Variants in UNC5C observed in about 807,000 individuals in gnomAD.
UNC5C encodes the protein netrin receptor UNC5C.
Under a neutral mutation model 99.8 loss-of-function variants are expected in UNC5C, and 47 were observed. The ratio of observed to expected loss-of-function variants is 0.47; its 90% CI spans 0.37 to 0.60. The LOEUF (loss-of-function observed/expected upper bound fraction) is 0.60, where lower values mean the gene tolerates loss of function less well. UNC5C is among the 20% of genes least tolerant of loss of function. The pLI, the probability that UNC5C is intolerant of heterozygous loss-of-function variation, is 0.00. For synonymous variants in UNC5C, 487 were observed against 452.2 expected (o/e 1.08, Z -0.98); for missense variants, 1,062 against 1,165.9 (o/e 0.91, Z 1.30).
intron 1 of UNC5C, among the ~76,000 whole-genome samples, chr4:95,376,236 A>G (rs976865156): frequency 6.1e-5 from 9 of 147,854 alleles, no homozygotes; most frequent in Admixed American, 2.7e-4. Context: ...TCTTATGTGT[A>G]TGTATATATA....
At position 95,182,919 on chromosome 4, in the gene UNC5C, T is replaced by C. The variant is rs1301943389; in HGVS notation, c.2429A>G (p.Gln810Arg). Residue 810 changes from glutamine to arginine, a missense_variant, in exon 14 of 16, where the codon CAG becomes CGG. By Grantham distance (43) the Gln-to-Arg change is conservative (BLOSUM62 1). This residue lies in a region of UNC5C where 810 missense variants were observed against 854.5 expected (regional missense o/e 0.95). Coordinates refer to ENST00000453304, the MANE Select transcript of UNC5C (RefSeq NM_003728.4). ...TACCTCTGACACGGTGCAGTTGAGC[T>C]GGAAGATCTGCCCTTCTCCTTCCAC... ...RQVEGEGQIF[Q>R]LNCTVSEEPT... 6.2e-7 allele frequency: 1 copy of C among 1,613,586 alleles called. No homozygotes were observed. Among genetic ancestry groups the C allele is most frequent in the Non-Finnish European group, 8.5e-7 (1 of 1,179,594 alleles).
At position 95,182,920 on chromosome 4, in the gene UNC5C, G is replaced by A. The variant is rs768646708; in HGVS notation, c.2428C>T (p.Gln810Ter). The A allele has an allele frequency of 1.2e-6, 2 of 1,613,456 alleles. No individual in the cohort carries two copies. Among genetic ancestry groups the A allele is most frequent in the East Asian group, 2.2e-5 (1 of 44,856 alleles). The change falls in exon 14 of 16, where the codon CAG (glutamine) becomes TAG (stop). Residue 810 changes from glutamine (Q) to a stop codon, truncating the protein, a stop_gained. Coordinates refer to ENST00000453304, the MANE Select transcript of UNC5C (RefSeq NM_003728.4). LOFTEE classifies it high-confidence loss of function. The stretch of plus-strand genomic sequence containing the variant: ...ACCTCTGACACGGTGCAGTTGAGCT[G>A]GAAGATCTGCCCTTCTCCTTCCACC... The part of the protein sequence containing the change: ...RQVEGEGQIF[Q>*]LNCTVSEEPT...
intron 1 of UNC5C, among the ~76,000 whole-genome samples, chr4:95,413,367 C>T (rs1015944081): frequency 1.3e-5 from 2 of 152,148 alleles, no homozygotes; most frequent in African/African-American, 2.4e-5. Flanking sequence ...CCTCCTCAGC[C>T]TTGCTTTCTC....
intron 1 of UNC5C, among the ~76,000 whole-genome samples, chr4:95,475,032 C>T (rs911624911): frequency 1.3e-5 from 2 of 152,132 alleles, no homozygotes; most frequent in African/African-American, 4.8e-5. Context: ...TGCACCACTT[C>T]ATCCCAGAGA....
At chr4:95,179,548 A>G (rs1452222400) in intron 14 of UNC5C, among the ~76,000 whole-genome samples, 1 of 152,138 alleles carries the variant, frequency 6.6e-6, no homozygotes, top group Non-Finnish European at 1.5e-5. Context: ...GGAGTTCGAG[A>G]CCAGCCTAGC....
chr4:95,176,563 G>A (rs987515344), intron 14 of UNC5C, among the ~76,000 whole-genome samples: 3 of 151,962 alleles, frequency 2.0e-5, no homozygotes, highest in African/African-American at 7.3e-5. Context: ...TCAGGGGTAG[G>A]GGTCAGGGAC....
chr4:95,298,177 C>T (rs565611567), intron 3 of UNC5C, among the ~76,000 whole-genome samples: 4 of 152,120 alleles, frequency 2.6e-5, no homozygotes, highest in Admixed American at 6.5e-5. Flanking sequence ...CTGGTCATGG[C>T]GGCACATGCC....
At chr4:95,357,490 A>C (rs751353049) in intron 1 of UNC5C, among the ~76,000 whole-genome samples, 5 of 151,754 alleles carry the variant, frequency 3.3e-5, no homozygotes, top group Non-Finnish European at 7.4e-5. Flanking sequence ...TTATTAAAAA[A>C]CTAAAATACT....
At chr4:95,177,216 A>T (rs10017546) in intron 14 of UNC5C, among the ~76,000 whole-genome samples, 63 of 152,120 alleles carry the variant, frequency 4.1e-4, no homozygotes, top group African/African-American at 1.4e-3. Context: ...CGTCGCTCAC[A>T]CTGGGAGCTG....
intron 1 of UNC5C, among the ~76,000 whole-genome samples, chr4:95,465,567 T>C (rs1483164192): frequency 6.6e-6 from 1 of 152,142 alleles, no homozygotes; most frequent in African/African-American, 2.4e-5. Context: ...CCCAGTGCCA[T>C]CCTTTCTGAA....
intron 1 of UNC5C, among the ~76,000 whole-genome samples, chr4:95,412,344 T>A (rs546391315): frequency 6.6e-6 from 1 of 152,318 alleles, no homozygotes; most frequent in African/African-American, 2.4e-5. Flanking sequence ...CTGAACACCT[T>A]CTGTGTGGCA....
chr4:95,475,347 G>A (rs1748110001), intron 1 of UNC5C, among the ~76,000 whole-genome samples: 1 of 151,856 alleles, frequency 6.6e-6, no homozygotes, highest in South Asian at 2.1e-4. Flanking sequence ...GGGAAATTGG[G>A]AAATTGAAGT....
intron 12 of UNC5C, among the ~76,000 whole-genome samples, chr4:95,187,634 T>A (rs1736887982): frequency 6.6e-6 from 1 of 152,346 alleles, no homozygotes; most frequent in African/African-American, 2.4e-5. Context: ...CTCAGTTTTT[T>A]GTTTCTTCAG....
At chr4:95,389,024 C>G (rs1429842756) in intron 1 of UNC5C, among the ~76,000 whole-genome samples, 2 of 152,092 alleles carry the variant, frequency 1.3e-5, no homozygotes, top group Non-Finnish European at 2.9e-5. Context: ...ACAGGAAATG[C>G]TGCAAAAAGC....
At chr4:95,246,511 G>C (rs1739507379) in intron 5 of UNC5C, among the ~76,000 whole-genome samples, 1 of 151,964 alleles carries the variant, frequency 6.6e-6, no homozygotes, top group African/African-American at 2.4e-5. Flanking sequence ...AGTGAGCTAT[G>C]ATCACATCAC....
chr4:95,464,296 T>A (rs1471766163), intron 1 of UNC5C, among the ~76,000 whole-genome samples: 1 of 152,222 alleles, frequency 6.6e-6, no homozygotes, highest in African/African-American at 2.4e-5. Flanking sequence ...AACAAGAGCA[T>A]CATTGGCAGG....
chr4:95,288,325 C>T (rs942645477), intron 3 of UNC5C, among the ~76,000 whole-genome samples: 5 of 151,996 alleles, frequency 3.3e-5, no homozygotes, highest in African/African-American at 9.7e-5. Flanking sequence ...CCTTGTGATC[C>T]GCCTGCCTCA....
In UNC5C at chr4:95,236,422, G is replaced by A. The variant is rs538549611; in HGVS notation, c.1108+6007C>T. On this transcript the variant is annotated intron_variant, in intron 7 of 15. Coordinates refer to ENST00000453304, the MANE Select transcript of UNC5C (RefSeq NM_003728.4). ...CACAGGAAGGGGGACATCACACACCGGGGCCTGTTGAGCAGTTGGGGGAGG... is the reference window on the plus strand; with the variant it reads ...CACAGGAAGGGGGACATCACACACCAGGGCCTGTTGAGCAGTTGGGGGAGG... Among the ~76,000 whole-genome samples, 21 of 148,960 alleles carry A rather than the reference G, an allele frequency of 1.4e-4. 1 individual carries two copies. Among genetic ancestry groups the A allele is most frequent in the South Asian group, 1.3e-3 (6 of 4,578 alleles).
intron 9 of UNC5C, 78 bp downstream of exon 9, chr4:95,218,891 C>T: frequency 1.4e-6 from 2 of 1,399,400 alleles, no homozygotes; most frequent in Non-Finnish European, 1.9e-6. Context: ...ATGAAAACAT[C>T]CCACGAACAA....
Sources: gnomAD v4.1 joint callset for allele counts (sites outside exome capture counted in the v4.1 genomes callset) on GRCh38, gnomAD v4.1.1 for gene constraint, gnomAD v4.1.1 regional missense constraint, MANE v1.5 for transcripts, NCBI Gene and HGNC (gene_info 2026-07-23, HGNC 2026-07-21) for gene names.